TGFBR3: variants seen among roughly 807,000 people sequenced by gnomAD.
TGFBR3 encodes transforming growth factor beta receptor type 3.
A neutral mutation model predicts 87.9 loss-of-function variants in TGFBR3; 46 were observed. The observed-to-expected ratio is 0.52, with a 90% CI of 0.41 to 0.67. TGFBR3 has a LOEUF of 0.67. Among genes scored for constraint, TGFBR3 ranks in the 30% least tolerant of loss-of-function variants. The pLI is 0.00. For synonymous variants in TGFBR3, 381 were observed against 391.6 expected (o/e 0.97, Z 0.32); for missense variants, 866 against 1,041.9 (o/e 0.83, Z 2.32).
In TGFBR3 at chr1:91,751,118, C is replaced by T. The variant is rs1002862292; in HGVS notation, c.384+7495G>A. 8.5e-5 allele frequency among the ~76,000 whole-genome samples: 13 copies of T among 152,134 alleles called. 1 individual carries two copies. The highest frequency in any genetic ancestry group is 3.1e-4 in the African/African-American group (13 of 41,406). Reference sequence around the variant, plus strand: ...TGTTGGATGAATGAACAAGCACATACATAAACCATCATACCCGGTATGCTA... The same window carrying T: ...TGTTGGATGAATGAACAAGCACATATATAAACCATCATACCCGGTATGCTA... On this transcript the variant is annotated intron_variant, in intron 4 of 16. Transcript: ENST00000212355.
chr1:91,874,366 G>A (rs1678703335), intron 1 of TGFBR3, among the ~76,000 whole-genome samples: 1 of 152,202 alleles, frequency 6.6e-6, no homozygotes, highest in African/African-American at 2.4e-5. Context: ...GGCAGCTGGA[G>A]CAGATTGAGC....
At position 91,683,877 on chromosome 1, in the gene TGFBR3, G is replaced by A; in HGVS notation, c.2438-20C>T. 6.4e-7 allele frequency: 1 copy of A among 1,571,036 alleles called. No homozygotes were observed. Among genetic ancestry groups the A allele is most frequent in the Non-Finnish European group, 8.7e-7 (1 of 1,153,964 alleles). On this transcript the variant is annotated intron_variant, in intron 16 of 16. Coordinates refer to ENST00000212355, the MANE Select transcript of TGFBR3 (RefSeq NM_003243.5). ...TCTCCCCTGCAGTTAATAAAGAAAA[G>A]GCAGAGTCAGAGAAAGACGCATATT...
In TGFBR3 at chr1:91,681,785, CT is replaced by C. The variant is rs1670916816; in HGVS notation, c.*1953del. On this transcript the variant is annotated 3_prime_UTR_variant, in exon 17 of 17. Coordinates refer to ENST00000212355, the MANE Select transcript of TGFBR3 (RefSeq NM_003243.5). The stretch of plus-strand genomic sequence containing the variant: ...AGTCTTCTTTGAAGACATCTTTAAA[CT>C]TTTTTATACATAGAATATGCTGAAA... 2.2e-6 allele frequency: 1 copy of C among 444,866 alleles called. No individual in the cohort carries two copies. The highest frequency in any genetic ancestry group is 2.0e-5 in the African/African-American group (1 of 49,476). The allele number at this position is 444,866 out of a possible 1,614,324, so 27.6% of individuals were successfully genotyped here.
chr1:91,802,099 T>C (rs1397268870), intron 2 of TGFBR3, among the ~76,000 whole-genome samples: 1 of 152,102 alleles, frequency 6.6e-6, no homozygotes, highest in African/African-American at 2.4e-5. Context: ...AGGGTTTCCT[T>C]TGGGTAAAAA....
chr1:91,760,029 A>G (rs1208087812), intron 3 of TGFBR3, among the ~76,000 whole-genome samples: 1 of 152,248 alleles, frequency 6.6e-6, no homozygotes, highest in Non-Finnish European at 1.5e-5. Flanking sequence ...TAAATAAAAC[A>G]GTAAACTTTC....
intron 2 of TGFBR3, 56 bp from the exon 3 acceptor site, chr1:91,797,527 A>T: frequency 6.3e-7 from 1 of 1,593,086 alleles, no homozygotes; most frequent in Non-Finnish European, 8.6e-7. Context: ...ATTCTGCCCC[A>T]AAGGGGCAAG....
At chr1:91,868,861 C>G (rs1002182592) in intron 1 of TGFBR3, among the ~76,000 whole-genome samples, 1 of 152,172 alleles carries the variant, frequency 6.6e-6, no homozygotes. Flanking sequence ...GTTTAGAGCC[C>G]AGGCATGTGA....
At chr1:91,793,165 TTAC>T (rs1489205602) in intron 3 of TGFBR3, among the ~76,000 whole-genome samples, 1 of 152,146 alleles carries the variant, frequency 6.6e-6, no homozygotes, top group African/African-American at 2.4e-5. Context: ...CCTGCTGCAG[TTAC>T]TACTTTTGGG....
At chr1:91,807,464 C>T (rs1378462966) in intron 2 of TGFBR3, among the ~76,000 whole-genome samples, 3 of 152,194 alleles carry the variant, frequency 2.0e-5, no homozygotes, top group Admixed American at 2.0e-4. Flanking sequence ...AAAGCCAGTG[C>T]ATATTTGTGT....
Position 91,858,591 on chromosome 1 carries a change from G to A in TGFBR3, c.61+2880C>T, listed in dbSNP as rs561873905. 2.1e-5 allele frequency among the ~76,000 whole-genome samples: 3 copies of A among 145,328 alleles called. No individual in the cohort carries two copies. In the East Asian group the frequency reaches 6.0e-4, roughly 29 times the overall value. On this transcript the variant is annotated intron_variant, in intron 2 of 16. Transcript: ENST00000212355. ...GATTGTGCCACTGCACTGTAGCCGG[G>A]GCGAGTGAGACTCTGTCTCAAAAAA...
chr1:91,898,342 C>T (rs1255983795), intron 2 of TGFBR3, among the ~76,000 whole-genome samples: 1 of 146,072 alleles, frequency 6.8e-6, no homozygotes, highest in Non-Finnish European at 1.5e-5. Context: ...TTTTCCAATG[C>T]CCACCAAGGA....
Position 91,680,394 on chromosome 1 carries a change from T to G in TGFBR3, c.*3345A>C, listed in dbSNP as rs1465901350. 1 of 452,284 alleles carries G rather than the reference T, an allele frequency of 2.2e-6. No individual in the cohort carries two copies. The highest frequency in any genetic ancestry group is 2.4e-5 in the Admixed American group (1 of 42,234). 28.0% of individuals were successfully genotyped at this position (452,284 alleles called of 1,614,324 possible). On this transcript the variant is annotated 3_prime_UTR_variant, in exon 17 of 17. Coordinates refer to ENST00000212355, the MANE Select transcript of TGFBR3 (RefSeq NM_003243.5). ...TATGCACAGATAAAAGATTTAAAAC[T>G]GTGGTTATCAAAACTATACATCTAA...
At chr1:91,716,871 T>C (rs1039815620) in intron 10 of TGFBR3, among the ~76,000 whole-genome samples, 163 bp from the exon 11 acceptor site, 3 of 152,210 alleles carry the variant, frequency 2.0e-5, no homozygotes, top group Admixed American at 2.0e-4. Context: ...AATTATATCT[T>C]CAAAGTGATG....
intron 2 of TGFBR3, among the ~76,000 whole-genome samples, chr1:91,893,903 A>G (rs1679495743): frequency 6.7e-6 from 1 of 148,416 alleles, no homozygotes; most frequent in Non-Finnish European, 1.5e-5. Flanking sequence ...AATAATATAA[A>G]ATTTTTAATT....
In TGFBR3 at chr1:91,787,316, A is replaced by T. The variant is rs80137433; in HGVS notation, c.246+9971T>A. On this transcript the variant is annotated intron_variant, in intron 3 of 16. Transcript: ENST00000212355. ...CGCCATCTCACAAAAAGTAATAATT[A>T]AAAAAAAAAAAGTGCTATTAACATC... Among the ~76,000 whole-genome samples the T allele has an allele frequency of 7.7e-4, 107 of 139,854 alleles. 1 individual carries two copies. The highest frequency in any genetic ancestry group is 1.5e-3 in the African/African-American group (56 of 37,668). 91.7% of individuals were successfully genotyped at this position (139,854 alleles called of 152,430 possible). A position where few individuals can be genotyped will look rare whatever the true frequency, so the allele number is the denominator to read the frequency against.
In TGFBR3 at chr1:91,874,095, TCTAG is replaced by T; in HGVS notation, c.-114+11779_-114+11782del. Among the ~76,000 whole-genome samples, 5 of 152,302 alleles carry T rather than the reference TCTAG, an allele frequency of 3.3e-5. 1 individual carries two copies. Among genetic ancestry groups the T allele is most frequent in the Admixed American group, 3.3e-4 (5 of 15,292 alleles). On this transcript the variant is annotated intron_variant, in intron 1 of 16. Coordinates refer to ENST00000212355, the MANE Select transcript of TGFBR3 (RefSeq NM_003243.5). ...ATCCCTGCCCTGATGGAGCTTTCAT[TCTAG>T]CTAAAGGAGACAGACTATAAACAAG...
chr1:91,713,007 G>T (rs1672037374), intron 12 of TGFBR3, among the ~76,000 whole-genome samples: 1 of 152,196 alleles, frequency 6.6e-6, no homozygotes, highest in Non-Finnish European at 1.5e-5. Context: ...ACCTAGGCAG[G>T]AAGACTGAGC....
chr1:91,792,769 A>G (rs1267425594), intron 3 of TGFBR3, among the ~76,000 whole-genome samples: 1 of 152,228 alleles, frequency 6.6e-6, no homozygotes, highest in African/African-American at 2.4e-5. Context: ...GTCAGAGGGT[A>G]CTAGGAGCTG....
At chr1:91,890,947 G>C (rs928179457), upstream of TGFBR3, among the ~76,000 whole-genome samples, 2 of 151,384 alleles carry the variant, frequency 1.3e-5, no homozygotes, top group East Asian at 2.0e-4. Context: ...ACCCAGGCTA[G>C]AGTGCAGTGG....
Sources: gnomAD v4.1 joint callset for allele counts (sites outside exome capture counted in the v4.1 genomes callset) on GRCh38, gnomAD v4.1.1 for gene constraint, MANE v1.5 for transcripts, NCBI Gene and HGNC (gene_info 2026-07-23, HGNC 2026-07-21) for gene names.